Variants in LBR observed in about 807,000 individuals in gnomAD.
LBR encodes delta(14)-sterol reductase LBR.
A neutral mutation model predicts 74.3 loss-of-function variants in LBR; 28 were observed. The observed-to-expected ratio is 0.38, with a 90% CI of 0.28 to 0.52. The LOEUF is 0.52. LBR is among the 20% of genes least tolerant of loss of function. The pLI, the probability that LBR is intolerant of heterozygous loss-of-function variation, is 0.89. For missense variants in LBR, 717 were observed against 760.3 expected, an observed-to-expected ratio of 0.94 and a Z score of 0.67; for synonymous variants, 228 against 269.3, an observed-to-expected ratio of 0.85 and a Z score of 1.50.
chr1:225,405,875 C>T lies in LBR; in HGVS notation c.1483+789G>A, dbSNP rs189153897. Among the ~76,000 whole-genome samples the T allele has an allele frequency of 2.0e-5, 3 of 152,344 alleles. No individual in the cohort carries two copies. The East Asian group carries it at 5.8e-4, about 29-fold the overall frequency. ...CCAATGGTTTGAACTTCTTCTACCA[C>T]AGATACTAACTTGTGTAGCAAAACT... On this transcript the variant is annotated intron_variant, in intron 11 of 13. Transcript: ENST00000272163.
intron 1 of LBR, 133 bp from the exon 2 acceptor site, chr1:225,424,222 A>G (rs561297960): frequency 1.3e-6 from 1 of 748,444 alleles, no homozygotes; most frequent in South Asian, 1.5e-5. Context: ...GAAAGGCTAC[A>G]TTCAATCTCA....
At chr1:225,420,668 T>A (rs2096126042) in intron 3 of LBR, among the ~76,000 whole-genome samples, 1 of 151,932 alleles carries the variant, frequency 6.6e-6, no homozygotes, top group Non-Finnish European at 1.5e-5. Context: ...TCACACAGCA[T>A]CTGTTCCTGG....
rs376668971 is a variant in LBR, at chr1:225,412,485, C to A, written c.1053G>T (p.Ala351=). The change falls in exon 8 of 14, where the codon GCG becomes GCT. Residue 351 remains alanine, a synonymous_variant. Coordinates refer to ENST00000272163, the MANE Select transcript of LBR (RefSeq NM_002296.4). ...TGGCAGGCGACAGGTCATTCCGGGG[C>A]GCTTTCAAAGAGCGCATGTAGAGAT... ...SVYLYMRSLK[A]PRNDLSPASS... The A allele has an allele frequency of 4.3e-6, 7 of 1,614,034 alleles. No individual in the cohort carries two copies. The highest frequency in any genetic ancestry group is 2.7e-5 in the African/African-American group (2 of 74,984).
At chr1:225,409,848 C>T (rs939534447) in intron 10 of LBR, among the ~76,000 whole-genome samples, 3 of 152,158 alleles carry the variant, frequency 2.0e-5, no homozygotes, top group East Asian at 3.8e-4. Context: ...TCTGATTTTA[C>T]ATTCATCTAA....
At chr1:225,408,581 G>A (rs1417454770) in intron 10 of LBR, among the ~76,000 whole-genome samples, 2 of 152,216 alleles carry the variant, frequency 1.3e-5, no homozygotes, top group African/African-American at 4.8e-5. Context: ...TGAATACAGA[G>A]GGATTTCTAT....
In LBR at chr1:225,407,764, A is replaced by AT. The variant is rs563258231; in HGVS notation, c.1315-933dup. On this transcript the variant is annotated intron_variant, in intron 10 of 13. Coordinates refer to ENST00000272163, the MANE Select transcript of LBR (RefSeq NM_002296.4). ...AAAAAGAGTGGTACCTCTAAATAGC[A>AT]TTTTTTTCCAGAAAAGAAAGCAAAT... is the stretch of plus-strand genomic sequence containing the variant. Among the ~76,000 whole-genome samples, 117 of 152,228 alleles carry AT rather than the reference A, an allele frequency of 7.7e-4. 1 individual carries two copies. The highest frequency in any genetic ancestry group is 1.3e-3 in the Non-Finnish European group (87 of 68,012).
chr1:225,416,153 C>T (rs1034508874), intron 6 of LBR, among the ~76,000 whole-genome samples: 10 of 150,798 alleles, frequency 6.6e-5, no homozygotes, highest in South Asian at 4.2e-4. Flanking sequence ...TTGCAGATTG[C>T]ACCACTGCAC....
At chr1:225,407,879 C>A (rs1362617454) in intron 10 of LBR, among the ~76,000 whole-genome samples, 3 of 152,006 alleles carry the variant, frequency 2.0e-5, no homozygotes, top group Non-Finnish European at 2.9e-5. Context: ...CTTTAGTTAA[C>A]CAGAGTACTT....
intron 5 of LBR, 64 bp from the exon 6 acceptor site, chr1:225,418,244 T>C (rs554766245): frequency 4.7e-6 from 7 of 1,491,782 alleles, no homozygotes; most frequent in Non-Finnish European, 5.5e-6. Flanking sequence ...TTAAGAATCA[T>C]GTTAGATTTG....
chr1:225,406,928 G>A, intron 10 of LBR, 96 bp from the exon 11 acceptor site: 1 of 1,192,304 alleles, frequency 8.4e-7, no homozygotes, highest in Non-Finnish European at 1.2e-6. Flanking sequence ...AAAGTGCTAT[G>A]GGCGGGTCCA....
At chr1:225,427,589 G>A (rs959472889) in intron 1 of LBR, 2 of 152,276 alleles carry the variant, frequency 1.3e-5, no homozygotes, top group South Asian at 4.1e-4. Context: ...GAGCCAGGCT[G>A]CGGTGGGGCA....
At chr1:225,422,414 A>G in intron 2 of LBR, 137 bp from the exon 3 acceptor site, 1 of 732,598 alleles carries the variant, frequency 1.4e-6, no homozygotes. Context: ...TTAGGATCTG[A>G]GAATGGATCA....
At chr1:225,407,469 T>G (rs1267123157) in intron 10 of LBR, among the ~76,000 whole-genome samples, 2 of 152,236 alleles carry the variant, frequency 1.3e-5, no homozygotes, top group African/African-American at 4.8e-5. Flanking sequence ...TTAAGCTGCC[T>G]GGCAACATGG....
chr1:225,417,162 C>T (rs1450298790), intron 6 of LBR, among the ~76,000 whole-genome samples: 2 of 152,104 alleles, frequency 1.3e-5, no homozygotes, highest in African/African-American at 4.8e-5. Context: ...GTCTTTATCA[C>T]AAAAATCCTT....
At chr1:225,419,101 G>A (rs2096122795) in intron 5 of LBR, among the ~76,000 whole-genome samples, 162 bp downstream of exon 5, 1 of 152,126 alleles carries the variant, frequency 6.6e-6, no homozygotes, top group Admixed American at 6.6e-5. Context: ...TCAAGCCTTT[G>A]CACCCACTGT....
At position 225,412,771 on chromosome 1, in the gene LBR, TAC is replaced by T. The variant is rs1335361650; in HGVS notation, c.893-128_893-127del. On this transcript the variant is annotated intron_variant, in intron 7 of 13. Coordinates refer to ENST00000272163, the MANE Select transcript of LBR (RefSeq NM_002296.4). The stretch of plus-strand genomic sequence containing the variant: ...TCTTAATTTCATTATTCAGACTAAA[TAC>T]ACACAAATATGCAAATAAGCAATGT... 1.1e-5 allele frequency: 9 copies of T among 828,178 alleles called. No homozygotes were observed. In the Admixed American group the frequency reaches 2.4e-4, roughly 22 times the overall value. The allele number at this position is 828,178 out of a possible 1,614,324, so 51.3% of individuals were successfully genotyped here.
At chr1:225,405,646 T>C (rs886079966) in intron 11 of LBR, among the ~76,000 whole-genome samples, 1 of 152,200 alleles carries the variant, frequency 6.6e-6, no homozygotes, top group African/African-American at 2.4e-5. Flanking sequence ...TCCAGCACCA[T>C]GCTCTTTGAC....
In LBR at chr1:225,423,629, C is replaced by G. The variant is rs61851885; in HGVS notation, c.165+282G>C. Among the ~76,000 whole-genome samples, 8,204 of 152,210 alleles carry G rather than the reference C, an allele frequency of 0.054. 313 individuals carry two copies. The highest frequency in any genetic ancestry group is 0.086 in the Non-Finnish European group (5,835 of 68,024). ...AGGGCTCTTCTCTACCCTTGATACA[C>G]TCAACACCACCCACAGCAAACTCCA... On this transcript the variant is annotated intron_variant, in intron 2 of 13. Transcript: ENST00000272163.
chr1:225,415,399 C>CAT (rs1331632118), intron 6 of LBR, 67 bp from the exon 7 acceptor site: 103 of 786,196 alleles, frequency 1.3e-4, no homozygotes, highest in Non-Finnish European at 1.6e-4. Context: ...TATACACACA[C>CAT]ACATATATAT....
Sources: gnomAD v4.1 joint callset for allele counts (sites outside exome capture counted in the v4.1 genomes callset) on GRCh38, gnomAD v4.1.1 for gene constraint, MANE v1.5 for transcripts, NCBI Gene and HGNC (gene_info 2026-07-23, HGNC 2026-07-21) for gene names.